The following CALN1 variants were observed in gnomAD, a reference collection of about 807,000 sequenced individuals.
CALN1 encodes the protein calcium-binding protein 8.
CALN1 carries 17 observed loss-of-function variants against 30.6 expected under a neutral mutation model. The ratio of observed to expected loss-of-function variants is 0.56; its 90% confidence interval spans 0.38 to 0.83. CALN1 has a LOEUF of 0.83. Among genes scored for constraint, CALN1 ranks in the 40% least tolerant of loss-of-function variants. The probability of loss-of-function intolerance (pLI) is 0.00; values close to 1 mark genes in which losing one functional copy is unlikely to be tolerated. For synonymous variants in CALN1, 156 were observed against 131.4 expected (o/e 1.19, Z -1.28); for missense variants, 291 against 354.9 (o/e 0.82, Z 1.45).
chr7:71,829,078 T>G (rs894941004), intron 5 of CALN1, among the ~76,000 whole-genome samples: 23 of 152,124 alleles, frequency 1.5e-4, no homozygotes, highest in African/African-American at 5.6e-4. Flanking sequence ...CTCCCTAAAG[T>G]GTATAAAACC....
At chr7:71,909,357 C>T (rs549753069) in intron 5 of CALN1, among the ~76,000 whole-genome samples, 9 of 152,034 alleles carry the variant, frequency 5.9e-5, no homozygotes, top group East Asian at 1.9e-4. Flanking sequence ...TATTTCCTTG[C>T]GATAAAATCA....
At chr7:72,184,388 G>A (rs966429527) in intron 3 of CALN1, among the ~76,000 whole-genome samples, 6 of 152,072 alleles carry the variant, frequency 3.9e-5, no homozygotes, top group Non-Finnish European at 8.8e-5. Context: ...CTCTCATGTT[G>A]TAAGCATTCT....
rs534864132 is a variant in CALN1, at chr7:72,263,453, T to A, written c.244+15233A>T. On this transcript the variant is annotated intron_variant, in intron 3 of 6. Transcript: ENST00000395275. The stretch of plus-strand genomic sequence containing the variant: ...CTCTGTCATCCAAGCTGGAGTTCAA[T>A]GACATGATCGTGGCTCTCTGGAGCC... Among the ~76,000 whole-genome samples, 25 of 152,290 alleles carry A rather than the reference T, an allele frequency of 1.6e-4. No individual in the cohort carries two copies. In the South Asian group the frequency reaches 4.8e-3, roughly 29 times the overall value.
intron 3 of CALN1, among the ~76,000 whole-genome samples, chr7:72,148,142 C>A (rs1384287822): frequency 7.6e-5 from 9 of 117,958 alleles, no homozygotes; most frequent in African/African-American, 6.4e-5. Context: ...AACAAACAAA[C>A]AGAAAAAAAA....
At chr7:71,826,552 A>C (rs1400088645) in intron 5 of CALN1, among the ~76,000 whole-genome samples, 1 of 152,008 alleles carries the variant, frequency 6.6e-6, no homozygotes, top group African/African-American at 2.4e-5. Context: ...TCTGACCCCA[A>C]CCCTAGCCTC....
At chr7:72,408,533 G>A (rs765157315) in intron 1 of CALN1, among the ~76,000 whole-genome samples, 3 of 151,994 alleles carry the variant, frequency 2.0e-5, no homozygotes, top group African/African-American at 7.3e-5. Flanking sequence ...TGGTGATGTT[G>A]GTGACAAAAC....
chr7:72,065,429 G>A (rs1803954975), intron 4 of CALN1, among the ~76,000 whole-genome samples: 1 of 149,822 alleles, frequency 6.7e-6, no homozygotes, highest in African/African-American at 2.5e-5. Context: ...AGCCACCCCA[G>A]AAACAGACTC....
chr7:71,962,041 G>A (rs1302563384), intron 5 of CALN1, among the ~76,000 whole-genome samples: 1 of 151,922 alleles, frequency 6.6e-6, no homozygotes, highest in Admixed American at 6.6e-5. Flanking sequence ...ATTTGTATCT[G>A]CGTATTCCGT....
At chr7:72,308,364 T>TTG (rs1554362822) in intron 2 of CALN1, among the ~76,000 whole-genome samples, 1 of 57,904 alleles carries the variant, frequency 1.7e-5, no homozygotes, top group Admixed American at 1.8e-4. Context: ...ATGCTGTCTG[T>TTG]GGGGGGGGGA....
intron 4 of CALN1, among the ~76,000 whole-genome samples, chr7:72,076,454 C>G (rs1804733657): frequency 6.6e-6 from 1 of 150,830 alleles, no homozygotes. Flanking sequence ...CAAAATTAGC[C>G]AGGTGTGGTG....
chr7:71,926,496 A>T (rs1390548401), intron 5 of CALN1, among the ~76,000 whole-genome samples: 1 of 152,162 alleles, frequency 6.6e-6, no homozygotes, highest in Non-Finnish European at 1.5e-5. Context: ...CCATTCTGTT[A>T]CAGGGTTCTC....
intron 2 of CALN1, among the ~76,000 whole-genome samples, chr7:72,335,798 A>T (rs1176854364): frequency 6.6e-6 from 1 of 152,128 alleles, no homozygotes; most frequent in African/African-American, 2.4e-5. Flanking sequence ...CAAGGCTAAG[A>T]CGCAAGCCGA....
At chr7:71,789,561 T>A (rs907901213) in intron 6 of CALN1, among the ~76,000 whole-genome samples, 1 of 152,132 alleles carries the variant, frequency 6.6e-6, no homozygotes, top group Non-Finnish European at 1.5e-5. Flanking sequence ...GATTGCTTGC[T>A]CTGGGCAGCA....
chr7:71,931,426 C>T lies in CALN1; in HGVS notation c.501+92231G>A, dbSNP rs374393686. ...GGATTACAGGCATGTGCCACAACAC[C>T]CAGTCGATTTTTGTATTTTTAGTAG... is the stretch of plus-strand genomic sequence containing the variant. On this transcript the variant is annotated intron_variant, in intron 5 of 6. Coordinates refer to ENST00000395275, the MANE Select transcript of CALN1 (RefSeq NM_031468.4). 8.5e-5 allele frequency among the ~76,000 whole-genome samples: 13 copies of T among 152,256 alleles called. No homozygotes were observed. The East Asian group carries it at 2.3e-3, about 27-fold the overall frequency.
At chr7:72,329,373 T>C (rs1015947669) in intron 2 of CALN1, among the ~76,000 whole-genome samples, 2 of 152,232 alleles carry the variant, frequency 1.3e-5, no homozygotes, top group Non-Finnish European at 2.9e-5. Context: ...TTGGAAAATA[T>C]AGACTAAGTC....
the CALN1 span, among the ~76,000 whole-genome samples, chr7:72,502,903 G>A: frequency 6.6e-6 from 1 of 152,104 alleles, no homozygotes; most frequent in East Asian, 1.9e-4. Flanking sequence ...CTGTAATCCC[G>A]GCACTTTGGG....
intron 5 of CALN1, among the ~76,000 whole-genome samples, chr7:72,010,108 T>C (rs1799988158): frequency 6.6e-6 from 1 of 152,190 alleles, no homozygotes; most frequent in Admixed American, 6.5e-5. Flanking sequence ...AGAAAATCAC[T>C]GGAAAAATCC....
chr7:72,184,952 C>T (rs1445662645), intron 3 of CALN1, among the ~76,000 whole-genome samples: 2 of 151,860 alleles, frequency 1.3e-5, no homozygotes, highest in African/African-American at 2.4e-5. Flanking sequence ...TCAACAAGCC[C>T]GGCTAATTTT....
chr7:72,381,756 G>C (rs933375321), intron 2 of CALN1, among the ~76,000 whole-genome samples: 2 of 152,146 alleles, frequency 1.3e-5, no homozygotes, highest in Non-Finnish European at 2.9e-5. Flanking sequence ...TGCATGCAGG[G>C]CTTAAAACCT....
Sources: gnomAD v4.1 joint callset for allele counts (sites outside exome capture counted in the v4.1 genomes callset) on GRCh38, gnomAD v4.1.1 for gene constraint, MANE v1.5 for transcripts, NCBI Gene and HGNC (gene_info 2026-07-23, HGNC 2026-07-21) for gene names.